BCLAF3: variants seen among roughly 807,000 people sequenced by gnomAD.
BCLAF3 encodes the protein BCLAF1 and THRAP3 family member 3.
Under a neutral mutation model 51.2 loss-of-function variants are expected in BCLAF3, and 24 were observed. The observed-to-expected ratio is 0.47, with a 90% CI of 0.34 to 0.66. The LOEUF (loss-of-function observed/expected upper bound fraction) is 0.66. Among genes scored for constraint, BCLAF3 ranks in the 30% least tolerant of loss-of-function variants. The pLI is 0.01. For missense variants in BCLAF3, 465 were observed against 525.1 expected, an observed-to-expected ratio of 0.89 and a Z score of 1.12; for synonymous variants, 152 against 176.6, an observed-to-expected ratio of 0.86 and a Z score of 1.10.
chrX:19,928,300 C>T (rs1024583217), intron 11 of BCLAF3, among the ~76,000 whole-genome samples: 4 of 110,440 alleles, frequency 3.6e-5, no homozygotes, highest in African/African-American at 1.3e-4. Flanking sequence ...TAAGAGTTAT[C>T]GGCCAGGCGT....
intron 8 of BCLAF3, among the ~76,000 whole-genome samples, chrX:19,947,557 C>T: frequency 9.0e-6 from 1 of 111,115 alleles, no homozygotes; most frequent in Non-Finnish European, 1.9e-5. Context: ...GGATGTTGCC[C>T]TATCATAAGT....
At chrX:19,947,417 A>G (rs1299765775) in intron 8 of BCLAF3, among the ~76,000 whole-genome samples, 1 of 112,302 alleles carries the variant, frequency 8.9e-6, no homozygotes, top group Non-Finnish European at 1.9e-5. Context: ...AGGCAGAAAT[A>G]GTGTGTCAGG....
chrX:19,978,953 T>A (rs2072522661), intron 1 of BCLAF3, among the ~76,000 whole-genome samples: 1 of 110,923 alleles, frequency 9.0e-6, no homozygotes, highest in Admixed American at 9.6e-5. Flanking sequence ...ACCTTATTGT[T>A]GCCTTATTTT....
At chrX:19,921,000 G>A (rs1160452627) in intron 11 of BCLAF3, among the ~76,000 whole-genome samples, 1 of 111,037 alleles carries the variant, frequency 9.0e-6, no homozygotes, top group Non-Finnish European at 1.9e-5. Context: ...AAAAGAATGG[G>A]GCTCAGGAGG....
chrX:19,951,344 T>C (rs1197411022), intron 7 of BCLAF3, among the ~76,000 whole-genome samples: 1 of 110,974 alleles, frequency 9.0e-6, no homozygotes, highest in Non-Finnish European at 1.9e-5. Flanking sequence ...ATGCCTGTAA[T>C]ACCAGCACTT....
intron 8 of BCLAF3, among the ~76,000 whole-genome samples, chrX:19,949,538 A>G (rs2071410137): frequency 8.9e-6 from 1 of 112,429 alleles, no homozygotes; most frequent in Non-Finnish European, 1.9e-5. Flanking sequence ...TGTGTCATTA[A>G]GGAGCACAGT....
intron 1 of BCLAF3, among the ~76,000 whole-genome samples, chrX:19,983,831 G>C (rs1394514351): frequency 9.0e-6 from 1 of 110,816 alleles, no homozygotes; most frequent in Non-Finnish European, 1.9e-5. Flanking sequence ...CACTTTGGGA[G>C]GCTAAGGCGG....
At chrX:19,985,383 A>G (rs1444247044) in intron 1 of BCLAF3, among the ~76,000 whole-genome samples, 2 of 111,086 alleles carry the variant, frequency 1.8e-5, no homozygotes, top group Non-Finnish European at 3.8e-5. Context: ...GTTTGGGAAT[A>G]GCCTGGGAAA....
intron 1 of BCLAF3, among the ~76,000 whole-genome samples, chrX:19,980,832 G>T (rs1268366280): frequency 1.8e-5 from 2 of 109,230 alleles, no homozygotes. Context: ...CCAGGTACTC[G>T]GGAGGCTGAG....
At position 19,955,508 on chromosome X, in the gene BCLAF3, T is replaced by C. The variant is rs772507377; in HGVS notation, c.1333A>G (p.Arg445Gly). The change falls in exon 5 of 12, where the codon AGG (arginine) becomes GGG (glycine). Residue 445 changes from arginine to glycine, a missense_variant. By Grantham distance (125) the Arg-to-Gly change is moderately radical (BLOSUM62 -2). Transcript: ENST00000379682. ...QMSHDLVAVG[R>G]KSENFHPVFE... ...ACTGGATGAAAGTTCTCACTTTTCC[T>C]GCCAACAGCAACCAAATCATGTGAC... The C allele has an allele frequency of 4.2e-6, 5 of 1,202,340 alleles. No individual in the cohort carries two copies. Among genetic ancestry groups the C allele is most frequent in the South Asian group, 3.6e-5 (2 of 54,930 alleles).
At chrX:19,946,507 C>CT (rs2147860022) in intron 8 of BCLAF3, among the ~76,000 whole-genome samples, 1 of 111,346 alleles carries the variant, frequency 9.0e-6, no homozygotes, top group East Asian at 2.8e-4. Context: ...GAAGGAAATA[C>CT]TTTTTTTCTC....
chrX:19,953,690 G>T, intron 6 of BCLAF3, 88 bp downstream of exon 6: 1 of 631,881 alleles, frequency 1.6e-6, no homozygotes, highest in Non-Finnish European at 2.4e-6. Flanking sequence ...GCCCAAGTGA[G>T]CAGGTTCGGA....
At position 19,916,200 on chromosome X, in the gene BCLAF3, C is replaced by T. The variant is rs1319666147; in HGVS notation, c.*1105G>A. The T allele has an allele frequency of 1.8e-5, 2 of 112,506 alleles. No homozygotes were observed. Among genetic ancestry groups the T allele is most frequent in the East Asian group, 2.8e-4 (1 of 3,613 alleles). 9.3% of individuals were successfully genotyped at this position (112,506 alleles called of 1,213,427 possible). ...GTTTAAACAGAGGTGCTATCCAAGGCTATAAGTCTCAAACAAAATTAAAAT... is the reference window on the plus strand; with the variant it reads ...GTTTAAACAGAGGTGCTATCCAAGGTTATAAGTCTCAAACAAAATTAAAAT... On this transcript the variant is annotated 3_prime_UTR_variant, in exon 12 of 12. Coordinates refer to ENST00000379682, the MANE Select transcript of BCLAF3 (RefSeq NM_001367774.2).
chrX:19,977,477 TA>T (rs1391106869), intron 1 of BCLAF3, among the ~76,000 whole-genome samples: 1 of 112,344 alleles, frequency 8.9e-6, no homozygotes, highest in Non-Finnish European at 1.9e-5. Context: ...AACGTTCCCT[TA>T]AGCCAAAGCC....
At chrX:19,932,668 A>G (rs2070612445) in intron 10 of BCLAF3, among the ~76,000 whole-genome samples, 1 of 108,331 alleles carries the variant, frequency 9.2e-6, no homozygotes, top group Non-Finnish European at 1.9e-5. Context: ...AGTAGCTGGG[A>G]CTACAGGTAC....
At chrX:19,918,520 C>A (rs1041858264) in intron 11 of BCLAF3, among the ~76,000 whole-genome samples, 8 of 105,486 alleles carry the variant, frequency 7.6e-5, no homozygotes, top group African/African-American at 1.7e-4. Context: ...ATTTAAAAGC[C>A]CCCCCAACCC....
intron 8 of BCLAF3, among the ~76,000 whole-genome samples, chrX:19,940,276 ATTTTT>A (rs200568773): frequency 2.0e-5 from 2 of 101,390 alleles, no homozygotes; most frequent in African/African-American, 7.2e-5. Context: ...TTATTTATTT[ATTTTT>A]TTTTTTTTAT....
rs373025325 is a variant in BCLAF3, at chrX:19,946,045, G to T, written c.1745+4708C>A. Among the ~76,000 whole-genome samples, 1,041 of 109,227 alleles carry T rather than the reference G, an allele frequency of 9.5e-3. 4 individuals carry two copies. Among genetic ancestry groups the T allele is most frequent in the Non-Finnish European group, 0.016 (825 of 52,204 alleles). 94.9% of individuals were successfully genotyped at this position (109,227 alleles called of 115,157 possible). A position where few individuals can be genotyped will look rare whatever the true frequency, so the allele number is the denominator to read the frequency against. On this transcript the variant is annotated intron_variant, in intron 8 of 11. Coordinates refer to ENST00000379682, the MANE Select transcript of BCLAF3 (RefSeq NM_001367774.2). ...GGGAGTGACCCGATTTTCCAGGTGC[G>T]TCCGTCACCCCTTTCTTTGACTCGG... is the stretch of plus-strand genomic sequence containing the variant.
At chrX:19,936,865 C>G (rs1247866855) in intron 9 of BCLAF3, among the ~76,000 whole-genome samples, 1 of 111,117 alleles carries the variant, frequency 9.0e-6, no homozygotes, top group African/African-American at 3.3e-5. Flanking sequence ...TGAAAATATT[C>G]TAAAACTGGA....
Sources: allele counts gnomAD v4.1 joint callset (sites outside exome capture counted in the v4.1 genomes callset), GRCh38; gene constraint gnomAD v4.1.1; transcripts MANE v1.5; gene names NCBI Gene and HGNC (gene_info 2026-07-23, HGNC 2026-07-21).